The following CYP4X1 variants were observed in gnomAD, a reference collection of about 807,000 sequenced individuals.
CYP4X1 encodes the protein cytochrome P450 4X1.
Under a neutral mutation model 57.9 loss-of-function variants are expected in CYP4X1, and 44 were observed. The ratio of observed to expected loss-of-function variants is 0.76; its 90% CI spans 0.60 to 0.98. CYP4X1 has a LOEUF of 0.98. CYP4X1 is among the 50% of genes least tolerant of loss of function. CYP4X1 has a pLI of 0.00. For synonymous variants in CYP4X1, 227 were observed against 228.6 expected (o/e 0.99, Z 0.06); for missense variants, 532 against 623.9 (o/e 0.85, Z 1.57).
upstream of CYP4X1, chr1:47,023,443 A>G (rs1278541299): frequency 5.8e-5 from 48 of 822,872 alleles, no homozygotes; most frequent in Non-Finnish European, 6.5e-5. Flanking sequence ...AATCTCTTGC[A>G]TAGCCATTTA....
chr1:47,036,018 A>T lies in CYP4X1; in HGVS notation c.622A>T (p.Thr208Ser). 6.2e-7 allele frequency: 1 copy of T among 1,610,716 alleles called. No individual in the cohort carries two copies. Among genetic ancestry groups the T allele is most frequent in the Non-Finnish European group, 8.5e-7 (1 of 1,177,736 alleles). The change falls in exon 6 of 12, where the codon ACC becomes TCC. Residue 208 changes from threonine to serine, a missense_variant and splice_region_variant. Coordinates refer to ENST00000371901, the MANE Select transcript of CYP4X1 (RefSeq NM_178033.2). ...SKETNCQTNS[T>S]HDPYAKAIFE... is the part of the protein sequence containing the mutation. ...CATTATCCCAACTTTCTCTTCTAGC[A>T]CCCATGATCCTTATGCAAAAGCCAT...
In CYP4X1 at chr1:47,046,583, G is replaced by A. The variant is rs267598628; in HGVS notation, c.1190G>A (p.Gly397Glu). ...AGCAAGCCACTTACCTTCCCAGATGGATGCACATTGCCTGCAGGTCTTTAC... is the reference window on the plus strand; with the variant it reads ...AGCAAGCCACTTACCTTCCCAGATGAATGCACATTGCCTGCAGGTCTTTAC... ...DLSKPLTFPD[G>E]CTLPAGITVV... Residue 397 changes from glycine to glutamate, a missense_variant, in exon 9 of 12, where the codon GGA (glycine) becomes GAA (glutamate). Coordinates refer to ENST00000371901, the MANE Select transcript of CYP4X1 (RefSeq NM_178033.2). 6.2e-7 allele frequency: 1 copy of A among 1,614,110 alleles called. No homozygotes were observed. Among genetic ancestry groups the A allele is most frequent in the South Asian group, 1.1e-5 (1 of 91,056 alleles).
chr1:47,027,747 C>T (rs1334363712), intron 1 of CYP4X1, among the ~76,000 whole-genome samples: 4 of 152,160 alleles, frequency 2.6e-5, no homozygotes, highest in Admixed American at 6.5e-5. Context: ...TGAACATGCA[C>T]GTCTGTGGTT....
the CYP4X1 span, among the ~76,000 whole-genome samples, chr1:46,989,210 A>G: frequency 6.6e-6 from 1 of 152,354 alleles, no homozygotes; most frequent in African/African-American, 2.4e-5. Flanking sequence ...GTCTCAGGAT[A>G]CAAAATCAAA....
chr1:46,985,562 C>G, the CYP4X1 span, among the ~76,000 whole-genome samples: 1 of 152,216 alleles, frequency 6.6e-6, no homozygotes, highest in African/African-American at 2.4e-5. Flanking sequence ...CCCCATGTCT[C>G]CTGATTGGGA....
intron 1 of CYP4X1, 80 bp downstream of exon 1, chr1:47,024,074 C>G (rs1644034663): frequency 1.3e-6 from 2 of 1,491,682 alleles, no homozygotes; most frequent in East Asian, 2.5e-5. Context: ...GGCAGAGAGA[C>G]GCAGCTTTCT....
the CYP4X1 span, among the ~76,000 whole-genome samples, chr1:46,985,619 C>T: frequency 0.023 from 3,465 of 152,208 alleles, 79 homozygotes; most frequent in African/African-American, 0.063. Flanking sequence ...AGGAGAGCTC[C>T]GGCTGGCATC....
chr1:46,992,939 T>G, the CYP4X1 span, among the ~76,000 whole-genome samples: 1 of 151,200 alleles, frequency 6.6e-6, no homozygotes, highest in Admixed American at 6.6e-5. Flanking sequence ...TAGACTTCCT[T>G]TTTTTATTAC....
At chr1:47,054,519 A>G (rs1482544073), downstream of CYP4X1, among the ~76,000 whole-genome samples, 1 of 151,940 alleles carries the variant, frequency 6.6e-6, no homozygotes, top group Non-Finnish European at 1.5e-5. Context: ...CAGTATGGCC[A>G]TTTTCATGAT....
the CYP4X1 span, among the ~76,000 whole-genome samples, chr1:46,974,859 A>G: frequency 6.6e-6 from 1 of 152,120 alleles, no homozygotes; most frequent in Non-Finnish European, 1.5e-5. Flanking sequence ...AAGATGACAT[A>G]CAGTTGAGTC....
At chr1:46,995,927 G>A in the CYP4X1 span, among the ~76,000 whole-genome samples, 1 of 152,232 alleles carries the variant, frequency 6.6e-6, no homozygotes, top group South Asian at 2.1e-4. Flanking sequence ...CTCAGCACCT[G>A]GTTTTTATTC....
the CYP4X1 span, among the ~76,000 whole-genome samples, chr1:46,968,829 T>C: frequency 6.6e-6 from 1 of 152,212 alleles, no homozygotes; most frequent in African/African-American, 2.4e-5. Flanking sequence ...TGTTTTCCCA[T>C]CATGGTGTAT....
At position 47,033,695 on chromosome 1, in the gene CYP4X1, T is replaced by G. The variant is rs541692313; in HGVS notation, c.492+327T>G. ...GTCTGTACAAACCTACCCCAAAGTCTGAGGAAACTGAGAGGCTGAAGAAAA... is the reference window on the plus strand; with the variant it reads ...GTCTGTACAAACCTACCCCAAAGTCGGAGGAAACTGAGAGGCTGAAGAAAA... On this transcript the variant is annotated intron_variant, in intron 4 of 11. Transcript: ENST00000371901. 1.2e-4 allele frequency among the ~76,000 whole-genome samples: 19 copies of G among 152,266 alleles called. No homozygotes were observed. The South Asian group carries it at 3.1e-3, about 25-fold the overall frequency.
At chr1:47,037,554 G>T (rs959112496) in intron 6 of CYP4X1, among the ~76,000 whole-genome samples, 1 of 152,030 alleles carries the variant, frequency 6.6e-6, no homozygotes, top group Non-Finnish European at 1.5e-5. Flanking sequence ...TCAACCCTCA[G>T]CACTAATGGC....
At chr1:47,009,267 C>T in the CYP4X1 span, among the ~76,000 whole-genome samples, 5 of 151,992 alleles carry the variant, frequency 3.3e-5, no homozygotes, top group Non-Finnish European at 5.9e-5. Flanking sequence ...CACTCAAAAC[C>T]GCTCAACTAC....
the CYP4X1 span, among the ~76,000 whole-genome samples, chr1:46,999,278 A>G: frequency 6.6e-6 from 1 of 152,092 alleles, no homozygotes; most frequent in South Asian, 2.1e-4. Flanking sequence ...CAAAATTTCA[A>G]TGTCTTCCTG....
At chr1:46,982,007 G>A in the CYP4X1 span, among the ~76,000 whole-genome samples, 1 of 152,126 alleles carries the variant, frequency 6.6e-6, no homozygotes, top group African/African-American at 2.4e-5. Flanking sequence ...GGGAGGGATA[G>A]CATTAGGAGA....
At chr1:46,992,957 GT>G in the CYP4X1 span, among the ~76,000 whole-genome samples, 20 of 151,964 alleles carry the variant, frequency 1.3e-4, no homozygotes, top group Non-Finnish European at 4.4e-5. Flanking sequence ...TACACTTTAA[GT>G]TTTAGGGTAC....
chr1:47,011,793 A>C, the CYP4X1 span, among the ~76,000 whole-genome samples: 4 of 152,214 alleles, frequency 2.6e-5, no homozygotes, highest in Admixed American at 6.5e-5. Flanking sequence ...ATGCAGCCAA[A>C]AGACACATGA....
Sources: allele counts gnomAD v4.1 joint callset (sites outside exome capture counted in the v4.1 genomes callset), GRCh38; gene constraint gnomAD v4.1.1; transcripts MANE v1.5; gene names NCBI Gene and HGNC (gene_info 2026-07-23, HGNC 2026-07-21).